MYRIP: variants seen among roughly 807,000 people sequenced by gnomAD.
MYRIP encodes the protein myosin VIIA and Rab interacting protein.
MYRIP carries 49 observed loss-of-function variants against 98.0 expected under a neutral mutation model. That is an observed-to-expected ratio of 0.50 (90% CI 0.40 to 0.63). The LOEUF (loss-of-function observed/expected upper bound fraction) is 0.63, where lower values mean the gene tolerates loss of function less well. Among genes scored for constraint, MYRIP ranks in the 30% least tolerant of loss-of-function variants. The pLI, the probability that MYRIP is intolerant of heterozygous loss-of-function variation, is 0.00. For missense variants in MYRIP, 1,004 were observed against 1,058.2 expected, an observed-to-expected ratio of 0.95 and a Z score of 0.71; for synonymous variants, 404 against 409.5, an observed-to-expected ratio of 0.99 and a Z score of 0.16.
In MYRIP at chr3:40,155,356, G is replaced by GT. The variant is rs1433270649; in HGVS notation, c.469+4173dup. On this transcript the variant is annotated intron_variant, in intron 4 of 16. Transcript: ENST00000302541. Reference sequence around the variant, plus strand: ...TTATGGCTGCATAGTATTCCATGGTGTATATGTGCCACATTTTCTTAATCC... The same window carrying GT: ...TTATGGCTGCATAGTATTCCATGGTGTTATATGTGCCACATTTTCTTAATCC... 3.3e-5 allele frequency among the ~76,000 whole-genome samples: 5 copies of GT among 150,204 alleles called. 1 individual carries two copies. In the South Asian group the frequency reaches 8.4e-4, roughly 25 times the overall value.
chr3:40,006,720 A>T (rs2125791258), intron 2 of MYRIP, among the ~76,000 whole-genome samples: 1 of 152,290 alleles, frequency 6.6e-6, no homozygotes, highest in East Asian at 1.9e-4. Context: ...TACTCCAGAA[A>T]ATTCTGTATT....
rs9813400 is a variant in MYRIP, at chr3:40,172,261, G to A, written c.873+2168G>A. Among the ~76,000 whole-genome samples, 1,305 of 152,268 alleles carry A rather than the reference G, an allele frequency of 8.6e-3. 21 individuals are homozygous for A. The highest frequency in any genetic ancestry group is 0.03 in the African/African-American group (1,253 of 41,542). ...TATATTTCAGTAATTGGCATCAAGG[G>A]GATAGAGGGGAGGGAGTGCTGGGGA... On this transcript the variant is annotated intron_variant, in intron 8 of 16. Transcript: ENST00000302541.
rs764806355 is a variant in MYRIP, at chr3:40,251,890, T to C, written c.2438T>C (p.Ile813Thr). 3.1e-6 allele frequency: 5 copies of C among 1,609,348 alleles called. No individual in the cohort carries two copies. The highest frequency in any genetic ancestry group is 4.3e-6 in the Non-Finnish European group (5 of 1,175,834). Residue 813 changes from isoleucine (I) to threonine (T), a missense_variant, in exon 16 of 17, where the codon ATT becomes ACT. This residue lies in a region of MYRIP where 108 missense variants were observed against 111.1 expected (regional missense o/e 0.97). Transcript: ENST00000302541. Reference sequence around the variant, plus strand: ...ATTTATTTCCTTTTAGCTGAAAAAATTGAGACATCTTCAGTGACTACCATT... The same window carrying C: ...ATTTATTTCCTTTTAGCTGAAAAAACTGAGACATCTTCAGTGACTACCATT... ...LPAPPVKAEK[I>T]ETSSVTTIKT...
chr3:39,845,322 A>G (rs1941929647), intron 1 of MYRIP, among the ~76,000 whole-genome samples: 1 of 152,162 alleles, frequency 6.6e-6, no homozygotes, highest in Admixed American at 6.5e-5. Flanking sequence ...TGTGAAGTTC[A>G]GTGGCAGCTG....
At chr3:40,005,123 G>C (rs992416334) in intron 2 of MYRIP, among the ~76,000 whole-genome samples, 1 of 152,132 alleles carries the variant, frequency 6.6e-6, no homozygotes, top group Non-Finnish European at 1.5e-5. Context: ...CTTTTTTATG[G>C]CTGAATAGTA....
chr3:40,136,645 C>T (rs1949779140), intron 3 of MYRIP, among the ~76,000 whole-genome samples: 1 of 151,256 alleles, frequency 6.6e-6, no homozygotes, highest in African/African-American at 2.4e-5. Flanking sequence ...TAAAACACTC[C>T]TCAGCAAATG....
At chr3:40,058,714 A>C (rs2125845851) in intron 3 of MYRIP, among the ~76,000 whole-genome samples, 1 of 105,764 alleles carries the variant, frequency 9.5e-6, no homozygotes, top group African/African-American at 3.6e-5. Flanking sequence ...CACCATTTTG[A>C]ACATGGTACT....
intron 3 of MYRIP, among the ~76,000 whole-genome samples, chr3:40,083,488 A>G (rs1017977500): frequency 6.6e-6 from 1 of 152,204 alleles, no homozygotes; most frequent in Non-Finnish European, 1.5e-5. Context: ...AAAGCATAGT[A>G]TAGGTGGTAA....
chr3:39,886,766 A>G (rs925791496), intron 1 of MYRIP, among the ~76,000 whole-genome samples: 1 of 151,712 alleles, frequency 6.6e-6, no homozygotes, highest in African/African-American at 2.4e-5. Flanking sequence ...CACTGTCAAC[A>G]TTAGACAGAT....
intron 13 of MYRIP, 98 bp downstream of exon 13, chr3:40,244,705 T>C: frequency 1.6e-6 from 2 of 1,279,296 alleles, no homozygotes; most frequent in Non-Finnish European, 2.1e-6. Context: ...ATCTATCAGC[T>C]CCCATCATCT....
At position 40,237,750 on chromosome 3, in the gene MYRIP, T is replaced by C. The variant is rs148926682; in HGVS notation, c.2100+3697T>C. 3.3e-3 allele frequency among the ~76,000 whole-genome samples: 497 copies of C among 152,300 alleles called. 5 individuals are homozygous for C. Among genetic ancestry groups the C allele is most frequent in the African/African-American group, 0.012 (486 of 41,560 alleles). ...TGGCCCTGATCCTGGGCACACACAA[T>C]TGAAAGGGTTAAAGACATGGTTCAC... On this transcript the variant is annotated intron_variant, in intron 12 of 16. Transcript: ENST00000302541.
chr3:40,033,420 C>T (rs984035902), intron 2 of MYRIP, among the ~76,000 whole-genome samples: 2 of 152,028 alleles, frequency 1.3e-5, no homozygotes, highest in Non-Finnish European at 2.9e-5. Context: ...TTCTTATACA[C>T]CAATAACAGA....
At chr3:39,956,135 C>G (rs985625605) in intron 2 of MYRIP, among the ~76,000 whole-genome samples, 2 of 152,178 alleles carry the variant, frequency 1.3e-5, no homozygotes, top group African/African-American at 2.4e-5. Flanking sequence ...AGAAACTTAA[C>G]AAGGATATCC....
chr3:40,090,741 G>A (rs897926897), intron 3 of MYRIP, among the ~76,000 whole-genome samples: 6 of 152,160 alleles, frequency 3.9e-5, no homozygotes, highest in African/African-American at 7.2e-5. Flanking sequence ...CATTTTATGC[G>A]GCATGTGTTT....
intron 1 of MYRIP, among the ~76,000 whole-genome samples, chr3:39,894,466 G>A (rs1943558840): frequency 6.6e-6 from 1 of 152,164 alleles, no homozygotes; most frequent in Non-Finnish European, 1.5e-5. Context: ...TTATTGCTGT[G>A]TAGTGTTCCC....
At chr3:40,008,115 C>T (rs1946674864) in intron 2 of MYRIP, among the ~76,000 whole-genome samples, 1 of 152,148 alleles carries the variant, frequency 6.6e-6, no homozygotes, top group South Asian at 2.1e-4. Context: ...TGGGGAAGAC[C>T]CTGGGGTAGA....
intron 3 of MYRIP, among the ~76,000 whole-genome samples, chr3:40,080,715 C>A (rs1948455565): frequency 6.8e-6 from 1 of 146,600 alleles, no homozygotes; most frequent in Admixed American, 6.8e-5. Flanking sequence ...TGGGAGTTAT[C>A]TTTTTCTCTT....
intron 16 of MYRIP, among the ~76,000 whole-genome samples, chr3:40,254,762 A>ACCAACATACATGTCAAAATTT (rs1370549649): frequency 1.2e-4 from 18 of 152,232 alleles, no homozygotes; most frequent in Non-Finnish European, 2.9e-5. Flanking sequence ...CTTTCACAAA[A>ACCAACATACATGTCAAAATTT]CCAACATACA....
At chr3:39,939,092 T>C (rs1944722506) in intron 2 of MYRIP, among the ~76,000 whole-genome samples, 1 of 152,094 alleles carries the variant, frequency 6.6e-6, no homozygotes, top group Non-Finnish European at 1.5e-5. Context: ...GAGCCAACTT[T>C]AGAATGTCAT....
Sources: allele counts gnomAD v4.1 joint callset (sites outside exome capture counted in the v4.1 genomes callset), GRCh38; gene constraint gnomAD v4.1.1; regional missense constraint gnomAD v4.1.1; transcripts MANE v1.5; gene names NCBI Gene and HGNC (gene_info 2026-07-23, HGNC 2026-07-21).